Variants in ATOSA observed in about 807,000 individuals in gnomAD.
ATOSA encodes atos homolog protein A.
At chr15:52,588,747 C>T in the ATOSA span, among the ~76,000 whole-genome samples, 1 of 152,218 alleles carries the variant, frequency 6.6e-6, no homozygotes, top group Non-Finnish European at 1.5e-5. Context: ...CCATCGTGCC[C>T]AGGCTGTGAT....
chr15:52,678,303 T>A, the ATOSA span: 1 of 584,954 alleles, frequency 1.7e-6, no homozygotes, highest in Non-Finnish European at 3.0e-6. Context: ...GAGCACCCCC[T>A]TCCCTGCCTC....
chr15:52,620,527 G>T, the ATOSA span, among the ~76,000 whole-genome samples: 1 of 152,198 alleles, frequency 6.6e-6, no homozygotes, highest in East Asian at 1.9e-4. Flanking sequence ...TTGCTAGGCT[G>T]TTATATATGC....
At chr15:52,663,840 C>T in the ATOSA span, among the ~76,000 whole-genome samples, 1 of 152,058 alleles carries the variant, frequency 6.6e-6, no homozygotes, top group Non-Finnish European at 1.5e-5. Flanking sequence ...CACCCAGGCT[C>T]ATCTTGAACT....
the ATOSA span, among the ~76,000 whole-genome samples, chr15:52,648,010 G>A: frequency 6.6e-6 from 1 of 152,254 alleles, no homozygotes; most frequent in East Asian, 1.9e-4. Flanking sequence ...GAGAAACCTA[G>A]AAGTGTATCT....
At chr15:52,592,283 G>A in the ATOSA span, among the ~76,000 whole-genome samples, 1 of 152,120 alleles carries the variant, frequency 6.6e-6, no homozygotes, top group Non-Finnish European at 1.5e-5. Context: ...AGGCTATAAT[G>A]TTCAATGCCT....
At chr15:52,623,626 C>G in the ATOSA span, among the ~76,000 whole-genome samples, 1 of 151,988 alleles carries the variant, frequency 6.6e-6, no homozygotes, top group Non-Finnish European at 1.5e-5. Flanking sequence ...GGTCAATGGT[C>G]TCAAACACTG....
the ATOSA span, chr15:52,590,793 A>G: frequency 6.6e-6 from 1 of 152,258 alleles, no homozygotes; most frequent in East Asian, 1.9e-4. Flanking sequence ...AACTTTTAAT[A>G]GAAAAATACA....
chr15:52,689,306 A>C, the ATOSA span, among the ~76,000 whole-genome samples: 1 of 152,178 alleles, frequency 6.6e-6, no homozygotes, highest in Non-Finnish European at 1.5e-5. Flanking sequence ...GCAGTGTGCT[A>C]TATACATGAC....
chr15:52,688,101 A>G, the ATOSA span, among the ~76,000 whole-genome samples: 1 of 152,366 alleles, frequency 6.6e-6, no homozygotes, highest in South Asian at 2.1e-4. Flanking sequence ...CCGTAGATTC[A>G]TAAGATTAAG....
chr15:52,609,635 T>C, the ATOSA span: 4 of 1,613,208 alleles, frequency 2.5e-6, no homozygotes, highest in East Asian at 4.5e-5. Context: ...CCAAAAGTCA[T>C]GGAGAAAGCT....
At chr15:52,632,692 A>G in the ATOSA span, among the ~76,000 whole-genome samples, 16 of 152,216 alleles carry the variant, frequency 1.1e-4, no homozygotes, top group Non-Finnish European at 1.9e-4. Context: ...AAAAATGACT[A>G]TAAACATACT....
the ATOSA span, chr15:52,584,607 T>G: frequency 1.4e-6 from 1 of 691,252 alleles, no homozygotes; most frequent in Non-Finnish European, 2.4e-6. Flanking sequence ...TTCGGCATCT[T>G]GGCACATCAT....
chr15:52,610,030 ACAG>A, the ATOSA span: 2 of 1,613,906 alleles, frequency 1.2e-6, no homozygotes, highest in South Asian at 2.2e-5. Context: ...GATATTTTTG[ACAG>A]CTGCAGTATA....
At chr15:52,644,559 T>C in the ATOSA span, among the ~76,000 whole-genome samples, 1 of 152,332 alleles carries the variant, frequency 6.6e-6, no homozygotes, top group Admixed American at 6.5e-5. Flanking sequence ...CTCAAATGGA[T>C]GTTTAATGTT....
chr15:52,651,375 C>T, the ATOSA span, among the ~76,000 whole-genome samples: 1 of 152,174 alleles, frequency 6.6e-6, no homozygotes, highest in African/African-American at 2.4e-5. Flanking sequence ...TTTTGGCACA[C>T]CAATTCCTTA....
At chr15:52,636,070 A>C in the ATOSA span, among the ~76,000 whole-genome samples, 2 of 147,158 alleles carry the variant, frequency 1.4e-5, no homozygotes, top group African/African-American at 2.5e-5. Flanking sequence ...AATTAAATTA[A>C]AATATTAAAT....
chr15:52,619,832 AAAAAGAAAAGAAAAG>A, the ATOSA span, among the ~76,000 whole-genome samples: 11 of 148,578 alleles, frequency 7.4e-5, 1 homozygote, highest in Admixed American at 4.7e-4. Context: ...GTCTTAAAAA[AAAAAGAAAAGAAAAG>A]AAAAGAAAAG....
At chr15:52,609,931 GATTTT>G in the ATOSA span, 1 of 1,610,962 alleles carries the variant, frequency 6.2e-7, no homozygotes, top group Admixed American at 1.7e-5. Context: ...TGTTTCTTGT[GATTTT>G]ATATCACCTA....
At chr15:52,676,656 C>G in the ATOSA span, among the ~76,000 whole-genome samples, 1 of 152,140 alleles carries the variant, frequency 6.6e-6, no homozygotes, top group African/African-American at 2.4e-5. Flanking sequence ...CTTTGGAAAT[C>G]TTGATGAATA....
Sources: gnomAD v4.1 joint callset for allele counts (sites outside exome capture counted in the v4.1 genomes callset) on GRCh38, gnomAD v4.1.1 for gene constraint, MANE v1.5 for transcripts, NCBI Gene and HGNC (gene_info 2026-07-23, HGNC 2026-07-21) for gene names.